The following MIS18A variants were observed in gnomAD, a reference collection of about 807,000 sequenced individuals.
MIS18A encodes the protein protein Mis18-alpha.
Under a neutral mutation model 25.0 loss-of-function variants are expected in MIS18A, and 14 were observed. The observed-to-expected ratio is 0.56, with a 90% CI of 0.37 to 0.88. MIS18A has a LOEUF of 0.88. Among genes scored for constraint, MIS18A ranks in the 40% least tolerant of loss-of-function variants. MIS18A has a pLI of 0.00. For synonymous variants in MIS18A, 134 were observed against 118.6 expected, an observed-to-expected ratio of 1.13 and a Z score of -0.84; for missense variants, 292 against 290.8, an observed-to-expected ratio of 1.00 and a Z score of -0.03.
In MIS18A at chr21:32,276,261, C is replaced by A. The variant is rs543777788; in HGVS notation, c.335-1365G>T. Among the ~76,000 whole-genome samples the A allele has an allele frequency of 9.5e-4, 144 of 151,644 alleles. No individual in the cohort carries two copies. In the South Asian group the frequency reaches 0.015, roughly 16 times the overall value. ...GGATCATGAGGTCAGGAGATCGAGA[C>A]CATCCTGGCTAACATGGTGAAACCC... On this transcript the variant is annotated intron_variant, in intron 1 of 4. Coordinates refer to ENST00000290130, the MANE Select transcript of MIS18A (RefSeq NM_018944.3).
the MIS18A span, among the ~76,000 whole-genome samples, chr21:32,205,219 C>A: frequency 4.8e-4 from 73 of 150,710 alleles, no homozygotes; most frequent in African/African-American, 1.5e-3. Context: ...ACTCTCCTGC[C>A]TCAGCCTCCT....
chr21:32,155,195 A>G, the MIS18A span, among the ~76,000 whole-genome samples: 3 of 152,142 alleles, frequency 2.0e-5, no homozygotes, highest in African/African-American at 7.2e-5. Context: ...AAAAGTGACA[A>G]ATAATAGTTT....
chr21:32,240,567 G>A, the MIS18A span, among the ~76,000 whole-genome samples: 2 of 152,156 alleles, frequency 1.3e-5, no homozygotes, highest in Non-Finnish European at 2.9e-5. Flanking sequence ...CAAAATCAAG[G>A]GATACAGCCA....
the MIS18A span, among the ~76,000 whole-genome samples, chr21:32,161,584 C>T: frequency 6.6e-6 from 1 of 151,532 alleles, no homozygotes; most frequent in Non-Finnish European, 1.5e-5. Flanking sequence ...CTCCGCCTCC[C>T]GGCTTCAAGA....
chr21:32,189,975 A>G, the MIS18A span, among the ~76,000 whole-genome samples: 1 of 152,054 alleles, frequency 6.6e-6, no homozygotes, highest in South Asian at 2.1e-4. Flanking sequence ...AACAACCCTC[A>G]CTTTCTCCTC....
chr21:32,205,097 C>CTTTTTTTTT, the MIS18A span, among the ~76,000 whole-genome samples: 3 of 66,182 alleles, frequency 4.5e-5, no homozygotes, highest in South Asian at 8.9e-4. Context: ...AGAACTTGTC[C>CTTTTTTTTT]TTTTTTTTTT....
chr21:32,232,116 T>C, the MIS18A span, among the ~76,000 whole-genome samples: 1 of 152,180 alleles, frequency 6.6e-6, no homozygotes, highest in African/African-American at 2.4e-5. Flanking sequence ...AACTGTGGTA[T>C]GTACATGTAT....
chr21:32,181,264 A>G, the MIS18A span, among the ~76,000 whole-genome samples: 3 of 152,120 alleles, frequency 2.0e-5, no homozygotes, highest in East Asian at 5.8e-4. Context: ...CACACTCTCC[A>G]GTTCTTAGGC....
the MIS18A span, among the ~76,000 whole-genome samples, chr21:32,256,040 G>T: frequency 6.6e-6 from 1 of 152,144 alleles, no homozygotes; most frequent in Non-Finnish European, 1.5e-5. Context: ...CCATAAATGT[G>T]TTTCACAAGC....
chr21:32,207,697 T>G, the MIS18A span, among the ~76,000 whole-genome samples: 140 of 152,182 alleles, frequency 9.2e-4, 1 homozygote, highest in East Asian at 0.018. Flanking sequence ...CTTTTTTTTT[T>G]GGGTTATCCA....
chr21:32,262,911 T>C, the MIS18A span, among the ~76,000 whole-genome samples: 2 of 152,170 alleles, frequency 1.3e-5, no homozygotes, highest in South Asian at 2.1e-4. Flanking sequence ...TTCGAGCTTA[T>C]CACTGGGATT....
the MIS18A span, among the ~76,000 whole-genome samples, chr21:32,209,061 G>A: frequency 1.3e-5 from 2 of 152,112 alleles, no homozygotes; most frequent in Non-Finnish European, 2.9e-5. Flanking sequence ...TTTTATTTAT[G>A]TAAGGAAGTC....
the MIS18A span, among the ~76,000 whole-genome samples, chr21:32,223,818 A>G: frequency 1.3e-5 from 2 of 152,350 alleles, no homozygotes; most frequent in Admixed American, 1.3e-4. Context: ...TGACAGAGAC[A>G]CAACAAAAAA....
chr21:32,179,129 A>G, the MIS18A span, among the ~76,000 whole-genome samples: 1 of 151,468 alleles, frequency 6.6e-6, no homozygotes, highest in African/African-American at 2.4e-5. Flanking sequence ...TATATCTTAT[A>G]TTTCTCTTTG....
At chr21:32,198,918 AAAAG>A in the MIS18A span, among the ~76,000 whole-genome samples, 2 of 151,930 alleles carry the variant, frequency 1.3e-5, no homozygotes, top group Non-Finnish European at 1.5e-5. Context: ...AAAAAAAAAA[AAAAG>A]AAAGAAAGAA....
At chr21:32,208,570 CTCTTT>C in the MIS18A span, among the ~76,000 whole-genome samples, 1 of 152,196 alleles carries the variant, frequency 6.6e-6, no homozygotes, top group Non-Finnish European at 1.5e-5. Flanking sequence ...CCAATTAAAC[CTCTTT>C]TCTTTATAAA....
At chr21:32,211,683 A>G in the MIS18A span, among the ~76,000 whole-genome samples, 1,092 of 152,232 alleles carry the variant, frequency 7.2e-3, 11 homozygotes, top group African/African-American at 0.025. Context: ...GAGATTAGAA[A>G]CTTCTCATTG....
chr21:32,219,194 C>T, the MIS18A span, among the ~76,000 whole-genome samples: 4 of 152,222 alleles, frequency 2.6e-5, no homozygotes, highest in East Asian at 1.9e-4. Flanking sequence ...GCAAGATGGC[C>T]GAATAGGAAC....
the MIS18A span, among the ~76,000 whole-genome samples, chr21:32,186,577 T>C: frequency 1.3e-5 from 2 of 152,240 alleles, no homozygotes; most frequent in African/African-American, 4.8e-5. Flanking sequence ...AAGTTTATGC[T>C]TCAGTTGCAG....
Sources: gnomAD v4.1 joint callset for allele counts (sites outside exome capture counted in the v4.1 genomes callset) on GRCh38, gnomAD v4.1.1 for gene constraint, MANE v1.5 for transcripts, NCBI Gene and HGNC (gene_info 2026-07-23, HGNC 2026-07-21) for gene names.